Variants in METTL15 observed in about 807,000 individuals in gnomAD.
METTL15 encodes 12S rRNA N(4)-cytidine methyltransferase METTL15.
A neutral mutation model predicts 38.3 loss-of-function variants in METTL15; 34 were observed. That is an observed-to-expected ratio of 0.89 (90% CI 0.68 to 1.18). The LOEUF is 1.18. METTL15 is among the 50% of genes most tolerant of loss of function. The pLI is 0.00. For synonymous variants in METTL15, 162 were observed against 170.9 expected, an observed-to-expected ratio of 0.95 and a Z score of 0.41; for missense variants, 438 against 498.4, an observed-to-expected ratio of 0.88 and a Z score of 1.15.
At chr11:28,266,320 C>G (rs187279957) in intron 4 of METTL15, among the ~76,000 whole-genome samples, 106 of 152,196 alleles carry the variant, frequency 7.0e-4, no homozygotes, top group Non-Finnish European at 1.3e-3. Flanking sequence ...AAATGTCCAT[C>G]AATGATAGAC....
intron 3 of METTL15, among the ~76,000 whole-genome samples, chr11:28,155,583 A>T (rs549744800): frequency 3.3e-5 from 5 of 152,152 alleles, no homozygotes; most frequent in Admixed American, 2.0e-4. Flanking sequence ...TGAGAGGGAG[A>T]GGATAGGGAG....
chr11:28,502,369 G>C (rs1219236469), intron 6 of METTL15, among the ~76,000 whole-genome samples: 1 of 152,142 alleles, frequency 6.6e-6, no homozygotes, highest in African/African-American at 2.4e-5. Context: ...TTCTACCCTT[G>C]TAGCATGGAA....
downstream of METTL15, among the ~76,000 whole-genome samples, chr11:28,333,846 TA>T (rs915008968): frequency 1.3e-5 from 2 of 151,850 alleles, no homozygotes; most frequent in African/African-American, 4.8e-5. Context: ...TTAGATTTTT[TA>T]AATGAACTAA....
At chr11:28,467,019 G>T (rs1036526198) in intron 6 of METTL15, among the ~76,000 whole-genome samples, 1 of 152,146 alleles carries the variant, frequency 6.6e-6, no homozygotes, top group Non-Finnish European at 1.5e-5. Flanking sequence ...TGGTGGCCTG[G>T]CCTGAAATAT....
At chr11:28,503,077 T>G (rs1054303267) in intron 6 of METTL15, among the ~76,000 whole-genome samples, 2 of 152,206 alleles carry the variant, frequency 1.3e-5, no homozygotes, top group Non-Finnish European at 2.9e-5. Context: ...CACATTGTCC[T>G]TGAACGCCTC....
At chr11:28,504,588 T>C (rs1242031556) in intron 6 of METTL15, among the ~76,000 whole-genome samples, 1 of 152,168 alleles carries the variant, frequency 6.6e-6, no homozygotes, top group Non-Finnish European at 1.5e-5. Context: ...GTTTGCAATC[T>C]CTTAACTAAG....
intron 3 of METTL15, among the ~76,000 whole-genome samples, chr11:28,131,934 A>G (rs2133635053): frequency 6.6e-6 from 1 of 152,334 alleles, no homozygotes; most frequent in South Asian, 2.1e-4. Context: ...GTGGAACAGT[A>G]TTCTTCATTT....
intron 4 of METTL15, among the ~76,000 whole-genome samples, chr11:28,228,264 T>C (rs530691132): frequency 3.3e-5 from 5 of 151,958 alleles, no homozygotes; most frequent in Non-Finnish European, 7.4e-5. Context: ...TTTCCTTCTT[T>C]TCCATATAAC....
chr11:28,521,626 G>T (rs1239428234), intron 6 of METTL15, among the ~76,000 whole-genome samples: 1 of 152,036 alleles, frequency 6.6e-6, no homozygotes, highest in Non-Finnish European at 1.5e-5. Context: ...AAACTCCAGC[G>T]CTGACCTTGG....
At chr11:28,440,675 T>C (rs1252125886) in intron 6 of METTL15, among the ~76,000 whole-genome samples, 1 of 152,228 alleles carries the variant, frequency 6.6e-6, no homozygotes, top group Non-Finnish European at 1.5e-5. Context: ...ATTCATTGCC[T>C]GGTACACAAC....
chr11:28,353,325 T>C (rs1850058252), intron 4 of METTL15, among the ~76,000 whole-genome samples: 1 of 152,120 alleles, frequency 6.6e-6, no homozygotes, highest in Admixed American at 6.6e-5. Context: ...AAAATGTTGT[T>C]TGAGAATATT....
intron 4 of METTL15, among the ~76,000 whole-genome samples, chr11:28,260,362 G>A (rs1314291891): frequency 1.3e-5 from 2 of 151,926 alleles, no homozygotes; most frequent in Admixed American, 6.6e-5. Flanking sequence ...CACTACCTCC[G>A]CTATCACTCT....
chr11:28,198,741 A>C (rs994785818), intron 3 of METTL15, among the ~76,000 whole-genome samples: 1 of 152,140 alleles, frequency 6.6e-6, no homozygotes, highest in Admixed American at 6.6e-5. Context: ...TTTGTTAAAA[A>C]ATGTTAGCTA....
intron 5 of METTL15, among the ~76,000 whole-genome samples, chr11:28,384,548 G>T (rs139397635): frequency 6.1e-4 from 93 of 152,208 alleles, no homozygotes; most frequent in African/African-American, 2.2e-3. Flanking sequence ...GACCTCAGAT[G>T]ATGCACTTGC....
At chr11:28,230,277 C>A (rs1853635018) in intron 4 of METTL15, among the ~76,000 whole-genome samples, 1 of 151,808 alleles carries the variant, frequency 6.6e-6, no homozygotes, top group Non-Finnish European at 1.5e-5. Context: ...TGCATCCATT[C>A]CTAAGTACTA....
intron 5 of METTL15, among the ~76,000 whole-genome samples, chr11:28,402,303 C>G (rs1410082905): frequency 6.6e-6 from 1 of 152,028 alleles, no homozygotes; most frequent in South Asian, 2.1e-4. Flanking sequence ...GAAACAGTCT[C>G]CTAGCTGATC....
chr11:28,144,955 T>G lies in METTL15; in HGVS notation c.270+31351T>G. On this transcript the variant is annotated intron_variant, in intron 3 of 6. Coordinates refer to ENST00000407364, the MANE Select transcript of METTL15 (RefSeq NM_001113528.2). ...GATTGCTCCAATATAAAACCACATT[T>G]ACACCTCAGTGGCCACTGAACCATT... 9.7e-6 allele frequency: 2 copies of G among 205,856 alleles called. 1 individual carries two copies. Among genetic ancestry groups the G allele is most frequent in the Non-Finnish European group, 2.1e-5 (2 of 95,330 alleles). 12.8% of individuals were successfully genotyped at this position (205,856 alleles called of 1,614,324 possible). A position where few individuals can be genotyped will look rare whatever the true frequency, so the allele number is the denominator to read the frequency against.
At chr11:28,412,082 A>T (rs1458725320) in intron 5 of METTL15, among the ~76,000 whole-genome samples, 1 of 152,020 alleles carries the variant, frequency 6.6e-6, no homozygotes, top group Non-Finnish European at 1.5e-5. Context: ...TATCAAAAAG[A>T]TTAGGGATAA....
At chr11:28,390,890 C>A (rs1346633552) in intron 5 of METTL15, among the ~76,000 whole-genome samples, 3 of 152,074 alleles carry the variant, frequency 2.0e-5, no homozygotes, top group Non-Finnish European at 4.4e-5. Context: ...TTGTTTGTAT[C>A]CTGTTTTATT....
Sources: allele counts gnomAD v4.1 joint callset (sites outside exome capture counted in the v4.1 genomes callset), GRCh38; gene constraint gnomAD v4.1.1; transcripts MANE v1.5; gene names NCBI Gene and HGNC (gene_info 2026-07-23, HGNC 2026-07-21).